Variants in TNFRSF10B observed in about 807,000 individuals in gnomAD.
TNFRSF10B encodes the protein TNF receptor superfamily member 10b, also known as tumor necrosis factor receptor superfamily member 10B.
A neutral mutation model predicts 41.4 loss-of-function variants in TNFRSF10B; 35 were observed. The ratio of observed to expected loss-of-function variants is 0.85; its 90% CI spans 0.65 to 1.12. TNFRSF10B has a LOEUF of 1.12. Among genes scored for constraint, TNFRSF10B ranks in the 50% most tolerant of loss-of-function variants. TNFRSF10B has a pLI of 0.00. For synonymous variants in TNFRSF10B, 230 were observed against 215.5 expected, an observed-to-expected ratio of 1.07 and a Z score of -0.59; for missense variants, 584 against 552.7, an observed-to-expected ratio of 1.06 and a Z score of -0.57.
In TNFRSF10B at chr8:23,061,517, C is replaced by T. The variant is rs115549245; in HGVS notation, c.144+7234G>A. Among the ~76,000 whole-genome samples, 1,488 of 152,282 alleles carry T rather than the reference C, an allele frequency of 9.8e-3. 30 individuals carry two copies. The highest frequency in any genetic ancestry group is 0.034 in the African/African-American group (1,406 of 41,558). On this transcript the variant is annotated intron_variant, in intron 1 of 8. Transcript: ENST00000276431. ...ATTATTTTACTTTTTCCTTTACAGT[C>T]CAGATGCTCTTATTTCTTTTTCTTG... is the stretch of plus-strand genomic sequence containing the variant.
At chr8:23,065,248 T>G (rs2128822088) in intron 1 of TNFRSF10B, among the ~76,000 whole-genome samples, 1 of 152,324 alleles carries the variant, frequency 6.6e-6, no homozygotes, top group East Asian at 1.9e-4. Flanking sequence ...GCCAAGCACA[T>G]GCAGTGAGAC....
chr8:23,068,957 G>C lies in TNFRSF10B; in HGVS notation c.-63C>G. ...GGGTTTCAGCCCTTAAAGTAGATCG[G>C]GCATCGTCGGTGTATTTTGTGGGCG... On this transcript the variant is annotated 5_prime_UTR_variant, in exon 1 of 9. Transcript: ENST00000276431. The C allele has an allele frequency of 6.2e-7, 1 of 1,611,874 alleles. No individual in the cohort carries two copies.
Position 23,022,532 on chromosome 8 carries a change from G to GTGA in TNFRSF10B, c.*136_*138dup. 1 of 865,422 alleles carries GTGA rather than the reference G, an allele frequency of 1.2e-6. No homozygotes were observed. The allele number at this position is 865,422 out of a possible 1,614,324, so 53.6% of individuals were successfully genotyped here. On this transcript the variant is annotated 3_prime_UTR_variant, in exon 9 of 9. Coordinates refer to ENST00000276431, the MANE Select transcript of TNFRSF10B (RefSeq NM_003842.5). ...AGTTACAGGATGTTCCATCCACTGG[G>GTGA]TGATGTTGGATGGGAGAGTTTCTTC...
At position 23,036,492 on chromosome 8, in the gene TNFRSF10B, G is replaced by C. The variant is rs1354647026; in HGVS notation, c.251-5620C>G. 4.6e-5 allele frequency among the ~76,000 whole-genome samples: 7 copies of C among 152,202 alleles called. No individual in the cohort carries two copies. In the East Asian group the frequency reaches 1.2e-3, roughly 25 times the overall value. ...CACCACATACAGGTAACCCTTAGAA[G>C]TGGATGTTTGCAGCATCACATCCAC... On this transcript the variant is annotated intron_variant, in intron 2 of 8. Coordinates refer to ENST00000276431, the MANE Select transcript of TNFRSF10B (RefSeq NM_003842.5).
Position 23,020,398 on chromosome 8 carries a change from C to T in TNFRSF10B, c.*2273G>A, listed in dbSNP as rs905539592. On this transcript the variant is annotated 3_prime_UTR_variant, in exon 9 of 9. Transcript: ENST00000276431. The stretch of plus-strand genomic sequence containing the variant: ...TTATTTCATGTCGTCAGGAAGCTTA[C>T]TTTAAAAGAATAGCTTGGCCTGGCT... 2.2e-6 allele frequency: 1 copy of T among 453,970 alleles called. No individual in the cohort carries two copies. Among genetic ancestry groups the T allele is most frequent in the African/African-American group, 2.0e-5 (1 of 49,994 alleles). The allele number at this position is 453,970 out of a possible 1,614,324, so 28.1% of individuals were successfully genotyped here. A position where few individuals can be genotyped will look rare whatever the true frequency, so the allele number is the denominator to read the frequency against.
chr8:23,036,690 C>A (rs569818545), intron 2 of TNFRSF10B, among the ~76,000 whole-genome samples: 1 of 152,296 alleles, frequency 6.6e-6, no homozygotes, highest in Admixed American at 6.5e-5. Flanking sequence ...ACTAAAAATA[C>A]AAAATTACCG....
At chr8:23,061,344 C>T (rs1812826272) in intron 1 of TNFRSF10B, among the ~76,000 whole-genome samples, 1 of 152,078 alleles carries the variant, frequency 6.6e-6, no homozygotes, top group Admixed American at 6.5e-5. Context: ...TTTGAAATCT[C>T]CCAGATTGCA....
chr8:23,052,064 T>C (rs867779263), intron 1 of TNFRSF10B, among the ~76,000 whole-genome samples: 1 of 152,184 alleles, frequency 6.6e-6, no homozygotes, highest in Non-Finnish European at 1.5e-5. Flanking sequence ...GTTTCCTAAC[T>C]TTAATGACAA....
At chr8:23,051,032 C>T (rs758447851) in intron 1 of TNFRSF10B, among the ~76,000 whole-genome samples, 1 of 152,168 alleles carries the variant, frequency 6.6e-6, no homozygotes, top group Non-Finnish European at 1.5e-5. Flanking sequence ...AGAGATCATG[C>T]CACTGTACTC....
In TNFRSF10B at chr8:23,021,504, CAAACAGGGCTCAAG is replaced by C. The variant is rs1811519290; in HGVS notation, c.*1153_*1166del. 2.2e-6 allele frequency: 1 copy of C among 454,004 alleles called. No homozygotes were observed. Among genetic ancestry groups the C allele is most frequent in the South Asian group, 1.6e-5 (1 of 64,470 alleles). 28.1% of individuals were successfully genotyped at this position (454,004 alleles called of 1,614,324 possible). ...GATTTTGTCTTCTATCTCCTGAGCC[CAAACAGGGCTCAAG>C]TTCACTTGGGATATGACATAGACCC... is the stretch of plus-strand genomic sequence containing the variant. On this transcript the variant is annotated 3_prime_UTR_variant, in exon 9 of 9. Transcript: ENST00000276431.
At chr8:23,036,132 G>A (rs186042126) in intron 2 of TNFRSF10B, among the ~76,000 whole-genome samples, 1 of 152,178 alleles carries the variant, frequency 6.6e-6, no homozygotes, top group East Asian at 1.9e-4. Context: ...CTTGTTTCTG[G>A]GCCTTAGTGC....
rs563656185 is a variant in TNFRSF10B, at chr8:23,043,181, T to C, written c.207A>G (p.Pro69=). 4 of 1,614,080 alleles carry C rather than the reference T, an allele frequency of 2.5e-6. No homozygotes were observed. Among genetic ancestry groups the C allele is most frequent in the African/African-American group, 2.7e-5 (2 of 75,026 alleles). The change falls in exon 2 of 9, where the codon CCA becomes CCG. Residue 69 remains proline (P), a synonymous_variant. Coordinates refer to ENST00000276431, the MANE Select transcript of TNFRSF10B (RefSeq NM_003842.5). The stretch of plus-strand genomic sequence containing the variant: ...CTGAGGGGCTGGACCTCTTTTGTTG[T>C]GGGGCCGCTCTCTGCTGGGGAGCTA... ...QDLAPQQRAA[P]QQKRSSPSEG... is the part of the protein sequence containing the mutation.
chr8:23,065,675 A>G (rs1440342403), intron 1 of TNFRSF10B, among the ~76,000 whole-genome samples: 2 of 152,234 alleles, frequency 1.3e-5, no homozygotes, highest in African/African-American at 4.8e-5. Flanking sequence ...AGTTATATGT[A>G]GATAAAAGCT....
At chr8:23,056,394 G>C (rs1254475123) in intron 1 of TNFRSF10B, among the ~76,000 whole-genome samples, 1 of 152,204 alleles carries the variant, frequency 6.6e-6, no homozygotes, top group African/African-American at 2.4e-5. Context: ...GCTCACGCCT[G>C]TAATCCCAGC....
In TNFRSF10B at chr8:23,020,355, AAAC is replaced by A; in HGVS notation, c.*2313_*2315del. 1 of 454,026 alleles carries A rather than the reference AAAC, an allele frequency of 2.2e-6. No individual in the cohort carries two copies. Among genetic ancestry groups the A allele is most frequent in the South Asian group, 1.6e-5 (1 of 64,478 alleles). 28.1% of individuals were successfully genotyped at this position (454,026 alleles called of 1,614,324 possible). A position where few individuals can be genotyped will look rare whatever the true frequency, so the allele number is the denominator to read the frequency against. On this transcript the variant is annotated 3_prime_UTR_variant, in exon 9 of 9. Coordinates refer to ENST00000276431, the MANE Select transcript of TNFRSF10B (RefSeq NM_003842.5). ...GGATATAGCAAAGCCTAATGTAACT[AAAC>A]AACAAAACCCCCAATTATTTCATGT...
At chr8:23,030,966 G>A (rs1811866420) in intron 2 of TNFRSF10B, 94 bp from the exon 3 acceptor site, 3 of 860,802 alleles carry the variant, frequency 3.5e-6, no homozygotes, top group South Asian at 1.4e-5. Flanking sequence ...AGGGATGTGT[G>A]GAACCAAAAG....
chr8:23,039,657 T>G (rs1007351840), intron 2 of TNFRSF10B, among the ~76,000 whole-genome samples: 35 of 152,128 alleles, frequency 2.3e-4, no homozygotes, highest in African/African-American at 8.4e-4. Flanking sequence ...GTAACCAAGT[T>G]GACACATAAA....
At chr8:23,065,465 G>A (rs1812955275) in intron 1 of TNFRSF10B, among the ~76,000 whole-genome samples, 1 of 152,182 alleles carries the variant, frequency 6.6e-6, no homozygotes, top group African/African-American at 2.4e-5. Context: ...ACTGACTCTA[G>A]GTGCCTGAGA....
chr8:23,035,616 G>A (rs184594659), intron 2 of TNFRSF10B, among the ~76,000 whole-genome samples: 3 of 152,250 alleles, frequency 2.0e-5, no homozygotes, highest in African/African-American at 7.2e-5. Context: ...AATTTCAAGG[G>A]CCTTTTACCT....
Sources: allele counts gnomAD v4.1 joint callset (sites outside exome capture counted in the v4.1 genomes callset), GRCh38; gene constraint gnomAD v4.1.1; transcripts MANE v1.5; gene names NCBI Gene and HGNC (gene_info 2026-07-23, HGNC 2026-07-21).